Variants in PSD3 observed in about 807,000 individuals in gnomAD.
PSD3 encodes pleckstrin and Sec7 domain containing 3, also known as PH and SEC7 domain-containing protein 3.
In PSD3, 49 loss-of-function variants were observed where a neutral mutation model predicts 105.5. The ratio of observed to expected loss-of-function variants is 0.46; its 90% CI spans 0.37 to 0.59. The LOEUF (loss-of-function observed/expected upper bound fraction) is 0.59. PSD3 is among the 20% of genes least tolerant of loss of function. PSD3 has a pLI of 0.00. For missense variants in PSD3, 1,561 were observed against 1,263.8 expected (o/e 1.24, Z -3.57); for synonymous variants, 557 against 457.8 (o/e 1.22, Z -2.77).
intron 9 of PSD3, among the ~76,000 whole-genome samples, chr8:18,749,783 G>A (rs1467485335): frequency 6.6e-6 from 1 of 152,112 alleles, no homozygotes; most frequent in Non-Finnish European, 1.5e-5. Flanking sequence ...TGGAGGTAGC[G>A]GACCACACGC....
At chr8:18,740,740 C>CA (rs1804507394) in intron 9 of PSD3, among the ~76,000 whole-genome samples, 1 of 152,192 alleles carries the variant, frequency 6.6e-6, no homozygotes, top group Non-Finnish European at 1.5e-5. Context: ...TCCTCTCTCT[C>CA]ACTCATCCTC....
chr8:18,736,192 G>A (rs1263353036), intron 9 of PSD3, among the ~76,000 whole-genome samples: 1 of 152,036 alleles, frequency 6.6e-6, no homozygotes, highest in Non-Finnish European at 1.5e-5. Flanking sequence ...TACAAACTCT[G>A]GAATAAGATG....
chr8:18,758,080 G>A (rs577712686), intron 9 of PSD3, among the ~76,000 whole-genome samples: 1 of 151,980 alleles, frequency 6.6e-6, no homozygotes, highest in Admixed American at 6.6e-5. Flanking sequence ...CAGAGTCCTT[G>A]TGCCATTTAC....
Position 18,722,411 on chromosome 8 carries a change from T to G in PSD3, c.2172+43038A>C, listed in dbSNP as rs913791921. Among the ~76,000 whole-genome samples, 13 of 152,330 alleles carry G rather than the reference T, an allele frequency of 8.5e-5. No homozygotes were observed. The South Asian group carries it at 2.5e-3, about 29-fold the overall frequency. The stretch of plus-strand genomic sequence containing the variant: ...CTTATATGTTCTGTTTCCAGTGCAG[T>G]TGAAAACACTAATCACAGTTGATAA... On this transcript the variant is annotated intron_variant, in intron 9 of 15. Transcript: ENST00000327040.
chr8:18,831,513 G>A (rs368118024), intron 4 of PSD3, among the ~76,000 whole-genome samples: 17 of 152,266 alleles, frequency 1.1e-4, no homozygotes, highest in Non-Finnish European at 2.2e-4. Context: ...CCCGAGGTCC[G>A]GAGTTTGAGA....
chr8:18,652,017 G>A (rs1344764147), intron 10 of PSD3, among the ~76,000 whole-genome samples: 1 of 152,220 alleles, frequency 6.6e-6, no homozygotes, highest in Admixed American at 6.5e-5. Flanking sequence ...GGAGTGAAGA[G>A]GAAAGATGCT....
chr8:18,980,235 A>C (rs925232462), intron 1 of PSD3, among the ~76,000 whole-genome samples: 1 of 152,212 alleles, frequency 6.6e-6, no homozygotes, highest in Non-Finnish European at 1.5e-5. Context: ...GCCAGACCTG[A>C]GTAACCCAGA....
intron 8 of PSD3, among the ~76,000 whole-genome samples, chr8:18,777,021 G>C (rs1362091045): frequency 6.6e-6 from 1 of 151,718 alleles, no homozygotes; most frequent in Non-Finnish European, 1.5e-5. Flanking sequence ...TTTTTTCTTA[G>C]ACTAGCAAAA....
At chr8:18,869,110 G>A (rs1320356083) in intron 3 of PSD3, among the ~76,000 whole-genome samples, 1 of 151,064 alleles carries the variant, frequency 6.6e-6, no homozygotes, top group Non-Finnish European at 1.5e-5. Context: ...GCTTTCCACT[G>A]CACTTGGCAT....
chr8:18,800,845 C>G (rs1006102557), intron 7 of PSD3, among the ~76,000 whole-genome samples: 2 of 152,114 alleles, frequency 1.3e-5, no homozygotes, highest in Admixed American at 6.6e-5. Context: ...GAGCTTTCAT[C>G]AAGAAACATA....
rs201973697 is a variant in PSD3, at chr8:19,033,086, AAAACAAAC to A, written c.324+51112_324+51119del. Reference sequence around the variant, plus strand: ...ACTGAACATAGCAAGACCCTATCTCAAAACAAACAAACAAACAAACAAACAAACGGAAC... The same window carrying A: ...ACTGAACATAGCAAGACCCTATCTCAAAACAAACAAACAAACAAACGGAAC... On this transcript the variant is annotated intron_variant, in intron 1 of 1. Transcript: ENST00000521475. Among the ~76,000 whole-genome samples, 26 of 151,740 alleles carry A rather than the reference AAAACAAAC, an allele frequency of 1.7e-4. No individual in the cohort carries two copies. The East Asian group carries it at 4.1e-3, about 24-fold the overall frequency.
intron 9 of PSD3, among the ~76,000 whole-genome samples, chr8:18,736,142 T>C (rs1416450430): frequency 1.3e-5 from 2 of 152,196 alleles, no homozygotes; most frequent in East Asian, 1.9e-4. Flanking sequence ...ATAAACCTTA[T>C]ATATCTCACG....
At chr8:18,970,399 G>A (rs560764712) in intron 1 of PSD3, among the ~76,000 whole-genome samples, 8 of 148,812 alleles carry the variant, frequency 5.4e-5, no homozygotes, top group East Asian at 3.9e-4. Context: ...TCTAATTACC[G>A]GCAAACCAAC....
intron 9 of PSD3, among the ~76,000 whole-genome samples, chr8:18,695,588 T>TA (rs1206589221): frequency 6.6e-6 from 1 of 152,052 alleles, no homozygotes; most frequent in African/African-American, 2.4e-5. Context: ...TTAGAAATAA[T>TA]AAAAAACACC....
chr8:18,749,523 T>TA (rs1805301533), intron 9 of PSD3, among the ~76,000 whole-genome samples: 1 of 152,202 alleles, frequency 6.6e-6, no homozygotes, highest in Non-Finnish European at 1.5e-5. Flanking sequence ...TAGCCACTGC[T>TA]AAGAAGGCAC....
chr8:18,984,848 G>A (rs952804677), intron 1 of PSD3, among the ~76,000 whole-genome samples: 1 of 152,198 alleles, frequency 6.6e-6, no homozygotes, highest in African/African-American at 2.4e-5. Context: ...TGTGAAGGCA[G>A]CCAGTTTCCC....
At chr8:18,642,145 A>T (rs1218945228) in intron 10 of PSD3, among the ~76,000 whole-genome samples, 1 of 152,228 alleles carries the variant, frequency 6.6e-6, no homozygotes, top group Non-Finnish European at 1.5e-5. Flanking sequence ...GACCATATGT[A>T]CAATGACTGT....
intron 1 of PSD3, among the ~76,000 whole-genome samples, chr8:19,083,050 T>C (rs954218009): frequency 4.6e-5 from 7 of 152,108 alleles, no homozygotes; most frequent in African/African-American, 1.7e-4. Flanking sequence ...TCTAAGCCCA[T>C]GGGAGGCCCC....
In PSD3 at chr8:19,035,015, A is replaced by G. The variant is rs143790142; in HGVS notation, c.324+49191T>C. ...GAGATGGATGCTCAGGAGCAAACAT[A>G]ATAGATAAGATATGAACAGAGTAAT... On this transcript the variant is annotated intron_variant, in intron 1 of 1. Coordinates refer to the PSD3 transcript ENST00000521475. Among the ~76,000 whole-genome samples, 536 of 152,292 alleles carry G rather than the reference A, an allele frequency of 3.5e-3. 2 individuals are homozygous for G. Among genetic ancestry groups the G allele is most frequent in the African/African-American group, 0.012 (508 of 41,558 alleles).
Sources: gnomAD v4.1 joint callset for allele counts (sites outside exome capture counted in the v4.1 genomes callset) on GRCh38, gnomAD v4.1.1 for gene constraint, MANE v1.5 for transcripts, NCBI Gene and HGNC (gene_info 2026-07-23, HGNC 2026-07-21) for gene names.